ZNF747: variants seen among roughly 807,000 people sequenced by gnomAD.
ZNF747 encodes KRAB domain-containing protein ZNF747.
A neutral mutation model predicts 13.4 loss-of-function variants in ZNF747; 14 were observed. That is an observed-to-expected ratio of 1.04 (90% CI 0.69 to 1.63). The LOEUF (loss-of-function observed/expected upper bound fraction) is 1.63, where lower values mean the gene tolerates loss of function less well. ZNF747 is among the 40% of genes most tolerant of loss of function. The probability of loss-of-function intolerance (pLI) is 0.00; values close to 1 mark genes in which losing one functional copy is unlikely to be tolerated. For synonymous variants in ZNF747, 212 were observed against 206.5 expected, an observed-to-expected ratio of 1.03 and a Z score of -0.23; for missense variants, 532 against 477.9, an observed-to-expected ratio of 1.11 and a Z score of -1.05.
rs746064100 is a variant in ZNF747 at position 30,532,901 on chromosome 16, C to T, written c.594G>A (p.Val198=). 2.5e-6 allele frequency: 4 copies of T among 1,601,390 alleles called. No individual in the cohort carries two copies. In the South Asian group the frequency reaches 4.4e-5, roughly 18 times the overall value. ...CGCCCCTGTGGCTGTAAATGTGCTC[C>T]ACCAGTGTGGAGCGCCAGGCGAAGC... ...GKSFAWRSTL[V]EHIYSHRGEK... The change falls in exon 3 of 3, where the codon GTG becomes GTA. Residue 198 remains valine, a synonymous_variant. Coordinates refer to ENST00000693075, the MANE Select transcript of ZNF747 (RefSeq NM_001305018.2).
Position 30,534,300 on chromosome 16 carries a change from G to A in ZNF747, c.240C>T (p.Gly80=), listed in dbSNP as rs1015390934. ...YGHLGALGVG[G]SKPALISWVE... ...CCCAGGAGATGAGCGCCGGCTTGCT[G>A]CCTCCGACTCCTGGGGGAGAAGAAC... Residue 80 remains glycine (G), a synonymous_variant, in exon 2 of 3, where the codon GGC becomes GGT. Coordinates refer to ENST00000693075, the MANE Select transcript of ZNF747 (RefSeq NM_001305018.2). The A allele has an allele frequency of 4.4e-6, 7 of 1,577,026 alleles. No individual in the cohort carries two copies. The highest frequency in any genetic ancestry group is 1.4e-5 in the African/African-American group (1 of 73,728).
chr16:30,532,731 G>T lies in ZNF747; in HGVS notation c.764C>A (p.Ser255Tyr). ...CTCGCCAGTGTGAACGCGCAGGTGA[G>T]AAGTCAGCGCCGTGCGGCGCATGAA... ...RAFMRRTALTSHLRVHTGEKP... is the reference protein window; with the variant it reads ...RAFMRRTALTYHLRVHTGEKP... Residue 255 changes from serine to tyrosine, a missense_variant, in exon 3 of 3, where the codon TCT becomes TAT. Coordinates refer to ENST00000693075, the MANE Select transcript of ZNF747 (RefSeq NM_001305018.2). 3 of 1,541,178 alleles carry T rather than the reference G, an allele frequency of 1.9e-6. No homozygotes were observed. The highest frequency in any genetic ancestry group is 1.7e-6 in the Non-Finnish European group (2 of 1,147,128).
At chr16:30,533,240 C>T (rs2051406644) in intron 2 of ZNF747, 89 bp from the exon 3 acceptor site, 5 of 1,533,740 alleles carry the variant, frequency 3.3e-6, no homozygotes, top group Admixed American at 3.6e-5. Flanking sequence ...GCCTGCTGGA[C>T]CCCCGACTGC....
Position 30,533,048 on chromosome 16 carries a change from T to G in ZNF747, c.447A>C (p.Gln149His), listed in dbSNP as rs756439947. 1.2e-5 allele frequency: 20 copies of G among 1,612,814 alleles called. No individual in the cohort carries two copies. The highest frequency in any genetic ancestry group is 1.7e-5 in the Non-Finnish European group (20 of 1,179,998). ...AAGSPGLKAP[Q>H]APFAGLEQLS... ...GCTGCTCCAACCCGGCAAAGGGGGCTTGGGGAGCCTTCAGCCCAGGAGACC... is the reference window on the plus strand; with the variant it reads ...GCTGCTCCAACCCGGCAAAGGGGGCGTGGGGAGCCTTCAGCCCAGGAGACC... The change falls in exon 3 of 3, where the codon CAA becomes CAC. Residue 149 changes from glutamine (Q) to histidine (H), a missense_variant. By Grantham distance (24) the Gln-to-His change is conservative. Transcript: ENST00000693075.
rs775218717 is a variant in ZNF747 at position 30,532,986 on chromosome 16, A to C, written c.509T>G (p.Phe170Cys). The C allele has an allele frequency of 1.7e-5, 27 of 1,608,538 alleles. No homozygotes were observed. The highest frequency in any genetic ancestry group is 1.1e-5 in the South Asian group (1 of 90,896). The change falls in exon 3 of 3, where the codon TTT (phenylalanine) becomes TGT (cysteine). Residue 170 changes from phenylalanine to cysteine, a missense_variant. Coordinates refer to ENST00000693075, the MANE Select transcript of ZNF747 (RefSeq NM_001305018.2). ...AGCTCGGGGGACAGGGGGGTGGGCAAAAAAGCGGGGGCGACTCCGGCGCCG... is the reference window on the plus strand; with the variant it reads ...AGCTCGGGGGACAGGGGGGTGGGCACAAAAGCGGGGGCGACTCCGGCGCCG... ...KARRRSRPRF[F>C]AHPPVPRADQ...
In ZNF747 at chr16:30,532,666, G is replaced by C. The variant is rs1309428509; in HGVS notation, c.829C>G (p.Leu277Val). 6.5e-7 allele frequency: 1 copy of C among 1,539,250 alleles called. No individual in the cohort carries two copies. The highest frequency in any genetic ancestry group is 2.4e-5 in the East Asian group (1 of 40,916). ...TGGTGCTTGGCCATGCCGGTCTTCA[G>C]GCCGAAGCAGCGGCCACACTGCGGG... ...RCPQCGRCFG[L>V]KTGMAKHQWV... The change falls in exon 3 of 3, where the codon CTG becomes GTG. Residue 277 changes from leucine to valine, a missense_variant. Physicochemically the swap from Leu to Val is conservative, Grantham distance 32 (BLOSUM62 1). Transcript: ENST00000693075.
chr16:30,532,662 T>G lies in ZNF747; in HGVS notation c.833A>C (p.Lys278Thr). ...CPQCGRCFGL[K>T]TGMAKHQWVH... is the part of the protein sequence containing the mutation. ...CCATTGGTGCTTGGCCATGCCGGTC[T>G]TCAGGCCGAAGCAGCGGCCACACTG... Residue 278 changes from lysine to threonine, a missense_variant, in exon 3 of 3, where the codon AAG (lysine) becomes ACG (threonine). Physicochemically the swap from Lys to Thr is moderately conservative, Grantham distance 78. Transcript: ENST00000693075. 6.5e-7 allele frequency: 1 copy of G among 1,539,584 alleles called. No homozygotes were observed.
rs1462440864 is a variant in ZNF747 at position 30,532,399 on chromosome 16, C to T, written c.*100G>A. ...TGTCCGCACCCCAGGCCAGCTCTTG[C>T]GGTGGATTCTGGGACCTCCCTGCAG... On this transcript the variant is annotated 3_prime_UTR_variant, in exon 3 of 3. Transcript: ENST00000693075. 7 of 1,346,848 alleles carry T rather than the reference C, an allele frequency of 5.2e-6. No homozygotes were observed. The highest frequency in any genetic ancestry group is 2.0e-5 in the Admixed American group (1 of 49,256). 83.4% of individuals were successfully genotyped at this position (1,346,848 alleles called of 1,614,324 possible).
Position 30,531,581 on chromosome 16 carries a change from A to C in ZNF747, c.*918T>G, listed in dbSNP as rs985623055. On this transcript the variant is annotated 3_prime_UTR_variant, in exon 3 of 3. Coordinates refer to ENST00000693075, the MANE Select transcript of ZNF747 (RefSeq NM_001305018.2). ...GGTGGGCGAATTGCTTGAACCGAGG[A>C]GTTTGAGACCAGCCTGATCAACATA... The C allele has an allele frequency of 2.0e-5, 3 of 152,000 alleles. No individual in the cohort carries two copies. Among genetic ancestry groups the C allele is most frequent in the African/African-American group, 7.3e-5 (3 of 41,346 alleles). 9.4% of individuals were successfully genotyped at this position (152,000 alleles called of 1,614,324 possible). A position where few individuals can be genotyped will look rare whatever the true frequency, so the allele number is the denominator to read the frequency against.
rs1268190062 is a variant in ZNF747 at position 30,533,018 on chromosome 16, G to C, written c.477C>G (p.Ser159=). ...GGGGGCGACTCCGGCGCCGGGCCTT[G>C]GACAGCTGCTCCAACCCGGCAAAGG... ...QAPFAGLEQL[S]KARRRSRPRF... The change falls in exon 3 of 3, where the codon TCC becomes TCG. Residue 159 remains serine, a synonymous_variant. Coordinates refer to ENST00000693075, the MANE Select transcript of ZNF747 (RefSeq NM_001305018.2). 1.2e-6 allele frequency: 2 copies of C among 1,611,968 alleles called. No individual in the cohort carries two copies. Among genetic ancestry groups the C allele is most frequent in the Non-Finnish European group, 8.5e-7 (1 of 1,179,878 alleles).
At position 30,532,578 on chromosome 16, in the gene ZNF747, G is replaced by A; in HGVS notation, c.917C>T (p.Thr306Ile). The change falls in exon 3 of 3, where the codon ACC becomes ATC. Residue 306 changes from threonine (T) to isoleucine (I), a missense_variant. Thr to Ile is a moderately conservative substitution (Grantham distance 89, BLOSUM62 -1). Transcript: ENST00000693075. ...CAGGTCCCCGCGGACAGGAGTCAGG[G>A]TCACAGACAGCCCCCCAGGGCGCCG... ...RGRRPGGLSV[T>I]LTPVRGDLDP... is the part of the protein sequence containing the mutation. The A allele has an allele frequency of 6.3e-7, 1 of 1,577,412 alleles. No homozygotes were observed. The highest frequency in any genetic ancestry group is 8.6e-7 in the Non-Finnish European group (1 of 1,164,606).
chr16:30,533,235 C>T (rs769784976), intron 2 of ZNF747, 84 bp from the exon 3 acceptor site: 1 of 1,565,794 alleles, frequency 6.4e-7, no homozygotes, highest in Non-Finnish European at 8.7e-7. Flanking sequence ...GACAGGCCTG[C>T]TGGACCCCCG....
At position 30,531,933 on chromosome 16, in the gene ZNF747, G is replaced by C. The variant is rs1300802589; in HGVS notation, c.*566C>G. The C allele has an allele frequency of 6.3e-6, 1 of 158,936 alleles. No homozygotes were observed. The highest frequency in any genetic ancestry group is 1.4e-5 in the Non-Finnish European group (1 of 71,778). The allele number at this position is 158,936 out of a possible 1,614,324, so 9.8% of individuals were successfully genotyped here. A position where few individuals can be genotyped will look rare whatever the true frequency, so the allele number is the denominator to read the frequency against. On this transcript the variant is annotated 3_prime_UTR_variant, in exon 3 of 3. Coordinates refer to ENST00000693075, the MANE Select transcript of ZNF747 (RefSeq NM_001305018.2). The stretch of plus-strand genomic sequence containing the variant: ...AGGCAGAGGTGGGTGGATCACCTGA[G>C]GGCAGGAGTTCGAGACCAGCCTAGC...
rs535232385 is a variant in ZNF747 at position 30,532,603 on chromosome 16, G to A, written c.892C>T (p.Arg298Trp). Reference protein sequence around the residue: ...HRPGGEGRRGRRPGGLSVTLT... With the variant: ...HRPGGEGRRGWRPGGLSVTLT... Reference sequence around the variant, plus strand: ...GTCACAGACAGCCCCCCAGGGCGCCGGCCCCTACGCCCCTCGCCCCCGGGC... The same window carrying A: ...GTCACAGACAGCCCCCCAGGGCGCCAGCCCCTACGCCCCTCGCCCCCGGGC... The change falls in exon 3 of 3, where the codon CGG becomes TGG. Residue 298 changes from arginine to tryptophan, a missense_variant. By Grantham distance (101) the Arg-to-Trp change is moderately radical (BLOSUM62 -3). Transcript: ENST00000693075. The A allele has an allele frequency of 2.4e-5, 38 of 1,558,390 alleles. No individual in the cohort carries two copies. The Admixed American group carries it at 3.2e-4, about 13-fold the overall frequency.
At position 30,534,286 on chromosome 16, in the gene ZNF747, A is replaced by G. The variant is rs2051422170; in HGVS notation, c.254T>C (p.Leu85Pro). 1 of 1,587,420 alleles carries G rather than the reference A, an allele frequency of 6.3e-7. No individual in the cohort carries two copies. Among genetic ancestry groups the G allele is most frequent in the Non-Finnish European group, 8.6e-7 (1 of 1,167,362 alleles). Residue 85 changes from leucine (L) to proline (P), a missense_variant, in exon 2 of 3, where the codon CTC (leucine) becomes CCC (proline). Leu to Pro is a moderately conservative substitution (Grantham distance 98). Coordinates refer to ENST00000693075, the MANE Select transcript of ZNF747 (RefSeq NM_001305018.2). ...GGCCTTCTCCTCCACCCAGGAGATG[A>G]GCGCCGGCTTGCTGCCTCCGACTCC... Reference protein sequence around the residue: ...ALGVGGSKPALISWVEEKAEL... With the variant: ...ALGVGGSKPAPISWVEEKAEL...
intron 2 of ZNF747, among the ~76,000 whole-genome samples, chr16:30,533,904 A>C (rs1042308457): frequency 2.0e-5 from 3 of 152,134 alleles, no homozygotes; most frequent in African/African-American, 4.8e-5. Context: ...ACTGCACCTC[A>C]GCCTGGGCAA....
At chr16:30,533,195 T>TTCAATGACCA (rs2051406058) in intron 2 of ZNF747, 44 bp from the exon 3 acceptor site, 1 of 1,611,126 alleles carries the variant, frequency 6.2e-7, no homozygotes, top group Non-Finnish European at 8.5e-7. Context: ...CTCATCCTGG[T>TTCAATGACCA]CATTGAATCC....
chr16:30,534,168 C>G lies in ZNF747; in HGVS notation c.343+29G>C, dbSNP rs201446758. On this transcript the variant is annotated intron_variant, in intron 2 of 2. Coordinates refer to ENST00000693075, the MANE Select transcript of ZNF747 (RefSeq NM_001305018.2). The stretch of plus-strand genomic sequence containing the variant: ...GGGATGGGACAGGAACAGAGAAGTC[C>G]CCATGGGACTGAGCACCCGATACTC... 1,993 of 1,601,198 alleles carry G rather than the reference C, an allele frequency of 1.2e-3. 2 individuals carry two copies. Among genetic ancestry groups the G allele is most frequent in the Middle Eastern group, 5.3e-3 (32 of 6,010 alleles).
intron 2 of ZNF747, 65 bp from the exon 3 acceptor site, chr16:30,533,216 G>T: frequency 6.2e-7 from 1 of 1,603,892 alleles, no homozygotes; most frequent in Non-Finnish European, 8.5e-7. Context: ...CACAGCCCGC[G>T]TGGACAGGGA....
Sources: gnomAD v4.1 joint callset for allele counts (sites outside exome capture counted in the v4.1 genomes callset) on GRCh38, gnomAD v4.1.1 for gene constraint, MANE v1.5 for transcripts, NCBI Gene and HGNC (gene_info 2026-07-23, HGNC 2026-07-21) for gene names.